Variants in HLF observed in about 807,000 individuals in gnomAD.
HLF encodes the protein HLF transcription factor, PAR bZIP family member.
In HLF, 3 loss-of-function variants were observed where a neutral mutation model predicts 22.6. That is an observed-to-expected ratio of 0.13 (90% CI 0.06 to 0.34). HLF has a LOEUF of 0.34. Among genes scored for constraint, HLF ranks in the 10% least tolerant of loss-of-function variants. The probability of loss-of-function intolerance (pLI) is 1.00; values close to 1 mark genes in which losing one functional copy is unlikely to be tolerated. For synonymous variants in HLF, 151 were observed against 151.8 expected (o/e 0.99, Z 0.04); for missense variants, 299 against 389.2 (o/e 0.77, Z 1.95).
intron 2 of HLF, among the ~76,000 whole-genome samples, chr17:55,269,422 T>C (rs946127253): frequency 2.0e-5 from 3 of 152,122 alleles, no homozygotes; most frequent in African/African-American, 7.2e-5. Context: ...TTCAATTTTT[T>C]TGTAGGAACA....
chr17:55,293,423 G>A (rs747918577), intron 2 of HLF, among the ~76,000 whole-genome samples: 4 of 152,084 alleles, frequency 2.6e-5, no homozygotes, highest in South Asian at 2.1e-4. Context: ...CCTGAGAACC[G>A]GGCAGTCAGC....
chr17:55,265,721 G>T, intron 1 of HLF, 122 bp downstream of exon 1: 1 of 1,114,308 alleles, frequency 9.0e-7, no homozygotes, highest in South Asian at 1.8e-5. Context: ...CGGCGCCCCG[G>T]CCCCGCGCTG....
At chr17:55,265,852 C>G (rs1415071143) in intron 1 of HLF, 1 of 1,254,550 alleles carries the variant, frequency 8.0e-7, no homozygotes, top group Non-Finnish European at 1.0e-6. Flanking sequence ...CTGGGTCCCG[C>G]TCCTGCGGCG....
chr17:55,305,587 A>C lies in HLF; in HGVS notation c.452-9640A>C, dbSNP rs1056143562. ...TATGGTTGAGCCCACTGGAGTCTGC[A>C]CTCCACCCAGCCTCCCCCTGGCTTT... On this transcript the variant is annotated intron_variant, in intron 2 of 3. Coordinates refer to ENST00000226067, the MANE Select transcript of HLF (RefSeq NM_002126.5). 3.3e-5 allele frequency among the ~76,000 whole-genome samples: 5 copies of C among 152,040 alleles called. 1 individual carries two copies. The highest frequency in any genetic ancestry group is 9.7e-5 in the African/African-American group (4 of 41,398).
intron 3 of HLF, among the ~76,000 whole-genome samples, chr17:55,317,058 C>T (rs1293344239): frequency 1.3e-5 from 2 of 150,072 alleles, no homozygotes; most frequent in African/African-American, 2.5e-5. Context: ...AGCTCCGCCT[C>T]CCCGGTTCAA....
At chr17:55,319,156 T>C (rs1393840857) in intron 3 of HLF, 2 of 152,236 alleles carry the variant, frequency 1.3e-5, no homozygotes, top group African/African-American at 4.8e-5. Context: ...TACTAGTTTG[T>C]GGATGGCAGA....
At chr17:55,300,502 G>GAA (rs1428555934) in intron 2 of HLF, among the ~76,000 whole-genome samples, 1 of 152,044 alleles carries the variant, frequency 6.6e-6, no homozygotes, top group African/African-American at 2.4e-5. Flanking sequence ...TCTTCATCTG[G>GAA]GCATCTGAAA....
At chr17:55,294,595 G>A (rs1332318326) in intron 2 of HLF, among the ~76,000 whole-genome samples, 2 of 152,212 alleles carry the variant, frequency 1.3e-5, no homozygotes, top group Non-Finnish European at 2.9e-5. Context: ...AGCATCCGCA[G>A]CTCAGAATGC....
chr17:55,302,654 G>T (rs950929052), intron 2 of HLF, among the ~76,000 whole-genome samples: 5 of 152,112 alleles, frequency 3.3e-5, no homozygotes, highest in Non-Finnish European at 7.3e-5. Flanking sequence ...AATATTTAAT[G>T]TAGCCCAAAG....
chr17:55,279,140 G>T (rs958431400), intron 2 of HLF, among the ~76,000 whole-genome samples: 11 of 152,054 alleles, frequency 7.2e-5, no homozygotes, highest in Non-Finnish European at 1.6e-4. Context: ...ACAACTAAAT[G>T]ATTTAAAAAT....
In HLF at chr17:55,320,124, G is replaced by A. The variant is rs757213502; in HGVS notation, c.673-540G>A. On this transcript the variant is annotated intron_variant, in intron 3 of 3. Transcript: ENST00000226067. This position sits in a 1 kb window ranked among gnomAD's most constrained non-coding sequence, Gnocchi z 4.2. ...TTTTTCTACTGCACATAATGCTGCA[G>A]TGAACAGTTTATGCTTGTGTGTACA... Among the ~76,000 whole-genome samples, 13 of 152,194 alleles carry A rather than the reference G, an allele frequency of 8.5e-5. No homozygotes were observed. The highest frequency in any genetic ancestry group is 2.6e-4 in the Admixed American group (4 of 15,280).
rs1250368958 is a variant in HLF at position 55,320,786 on chromosome 17, G to T, written c.795G>T (p.Ser265=). The change falls in exon 4 of 4, where the codon TCG becomes TCT. Residue 265 remains serine, a synonymous_variant. Coordinates refer to ENST00000226067, the MANE Select transcript of HLF (RefSeq NM_002126.5). The surrounding 1 kb of genome is among the most constrained non-coding windows in gnomAD (Gnocchi z 4.2). ...IRASFLEKEN[S]ALRQEVADLR... ...CCTCGTTCCTGGAGAAGGAGAACTCGGCCCTCCGCCAGGAGGTGGCTGACT... is the reference window on the plus strand; with the variant it reads ...CCTCGTTCCTGGAGAAGGAGAACTCTGCCCTCCGCCAGGAGGTGGCTGACT... 1 of 1,613,926 alleles carries T rather than the reference G, an allele frequency of 6.2e-7. No individual in the cohort carries two copies. Among genetic ancestry groups the T allele is most frequent in the South Asian group, 1.1e-5 (1 of 91,034 alleles).
chr17:55,319,730 T>A (rs891173955), intron 3 of HLF, among the ~76,000 whole-genome samples: 1 of 152,274 alleles, frequency 6.6e-6, no homozygotes, highest in African/African-American at 2.4e-5. Flanking sequence ...TTTTTTTTTT[T>A]AATTTCTATT....
Position 55,315,309 on chromosome 17 carries a change from C to T in HLF, c.534C>T (p.Asp178=), listed in dbSNP as rs900454568. 4.3e-6 allele frequency: 7 copies of T among 1,614,052 alleles called. No individual in the cohort carries two copies. Among genetic ancestry groups the T allele is most frequent in the Non-Finnish European group, 5.9e-6 (7 of 1,180,006 alleles). ...TIQVPVGYEP[D]PADLALSSIP... ...AGGTCCCAGTGGGTTATGAGCCAGACCCAGCAGATCTTGCCCTTTCCAGCA... is the reference window on the plus strand; with the variant it reads ...AGGTCCCAGTGGGTTATGAGCCAGATCCAGCAGATCTTGCCCTTTCCAGCA... Residue 178 remains aspartate, a synonymous_variant, in exon 3 of 4, where the codon GAC becomes GAT. Coordinates refer to ENST00000226067, the MANE Select transcript of HLF (RefSeq NM_002126.5).
chr17:55,265,634 C>T (rs780060379), intron 1 of HLF, 35 bp downstream of exon 1: 3 of 1,454,766 alleles, frequency 2.1e-6, no homozygotes, highest in South Asian at 2.4e-5. Flanking sequence ...CGGGAAGGGA[C>T]GACGCTCCGG....
chr17:55,302,477 C>A (rs902918613), intron 2 of HLF, among the ~76,000 whole-genome samples: 2 of 152,106 alleles, frequency 1.3e-5, no homozygotes, highest in African/African-American at 4.8e-5. Flanking sequence ...CCTTGTTATT[C>A]TTCCTTTGTT....
In HLF at chr17:55,316,965, G is replaced by GTTTTT. The variant is rs35293604; in HGVS notation, c.672+1534_672+1538dup. ...TCTTAGTGATCCAATTTTTTATGGT[G>GTTTTT]TTTTTTTTTTTTTTTTTTTTGAGAT... is the stretch of plus-strand genomic sequence containing the variant. On this transcript the variant is annotated intron_variant, in intron 3 of 3. Coordinates refer to ENST00000226067, the MANE Select transcript of HLF (RefSeq NM_002126.5). 2.4e-4 allele frequency among the ~76,000 whole-genome samples: 26 copies of GTTTTT among 107,124 alleles called. 1 individual carries two copies. The highest frequency in any genetic ancestry group is 7.4e-4 in the Admixed American group (7 of 9,480). 70.3% of individuals were successfully genotyped at this position (107,124 alleles called of 152,430 possible). A position where few individuals can be genotyped will look rare whatever the true frequency, so the allele number is the denominator to read the frequency against.
At chr17:55,309,091 G>A (rs1268258580) in intron 2 of HLF, among the ~76,000 whole-genome samples, 1 of 152,204 alleles carries the variant, frequency 6.6e-6, no homozygotes, top group Non-Finnish European at 1.5e-5. Context: ...CCAGATGCAA[G>A]AGGTAGGGAA....
intron 2 of HLF, chr17:55,272,714 AG>A (rs2080869185): frequency 1.3e-5 from 2 of 152,238 alleles, no homozygotes; most frequent in Admixed American, 6.5e-5. Flanking sequence ...GTAATGATGG[AG>A]GGAAGTTCTG....
Sources: gnomAD v4.1 joint callset for allele counts (sites outside exome capture counted in the v4.1 genomes callset) on GRCh38, gnomAD v4.1.1 for gene constraint, Gnocchi (gnomAD v3.1) non-coding constraint, MANE v1.5 for transcripts, NCBI Gene and HGNC (gene_info 2026-07-23, HGNC 2026-07-21) for gene names.